ANGPT2: variants seen among roughly 807,000 people sequenced by gnomAD.
The protein encoded by ANGPT2 is angiopoietin 2, also known as angiopoietin-2.
Under a neutral mutation model 62.9 loss-of-function variants are expected in ANGPT2, and 28 were observed. The ratio of observed to expected loss-of-function variants is 0.44; its 90% confidence interval spans 0.33 to 0.61. ANGPT2 has a LOEUF of 0.61. Ranked by LOEUF, ANGPT2 falls within the 20% of genes least tolerant of loss-of-function variation. The pLI, the probability that ANGPT2 is intolerant of heterozygous loss-of-function variation, is 0.03. For synonymous variants in ANGPT2, 284 were observed against 207.8 expected, an observed-to-expected ratio of 1.37 and a Z score of -3.15; for missense variants, 727 against 594.9, an observed-to-expected ratio of 1.22 and a Z score of -2.31.
chr8:6,540,903 C>T (rs1209430284), intron 1 of ANGPT2, among the ~76,000 whole-genome samples: 1 of 152,264 alleles, frequency 6.6e-6, no homozygotes, highest in African/African-American at 2.4e-5. Flanking sequence ...ACAGGATCTC[C>T]CAAGGAGCCC....
intron 8 of ANGPT2, among the ~76,000 whole-genome samples, chr8:6,505,293 A>ATT (rs1563305690): frequency 3.6e-4 from 25 of 69,568 alleles, no homozygotes; most frequent in East Asian, 1.8e-3. Context: ...TATGTTATAT[A>ATT]CATATATATG....
intron 1 of ANGPT2, among the ~76,000 whole-genome samples, chr8:6,536,602 T>C (rs1820543797): frequency 6.6e-6 from 1 of 152,184 alleles, no homozygotes; most frequent in South Asian, 2.1e-4. Context: ...CTGTGTTTTC[T>C]TCCAAAGATT....
At chr8:6,558,031 C>G (rs186627712) in intron 1 of ANGPT2, among the ~76,000 whole-genome samples, 1 of 152,286 alleles carries the variant, frequency 6.6e-6, no homozygotes, top group East Asian at 1.9e-4. Context: ...TGCCCCTGCC[C>G]CCACACGCAC....
rs139377457 is a variant in ANGPT2 at position 6,512,546 on chromosome 8, T to G, written c.1196+1132A>C. ...CGCCACCAGTCTGTGCTCTTTAGAC[T>G]CCTTTAGGCTGGCGTTGGTGCCAGT... On this transcript the variant is annotated intron_variant, in intron 7 of 8. Transcript: ENST00000629816. 3.9e-5 allele frequency among the ~76,000 whole-genome samples: 6 copies of G among 152,344 alleles called. No individual in the cohort carries two copies. In the East Asian group the frequency reaches 1.2e-3, roughly 29 times the overall value.
In ANGPT2 at chr8:6,500,064, C is replaced by A; in HGVS notation, c.*3037G>T. On this transcript the variant is annotated 3_prime_UTR_variant, in exon 9 of 9. Coordinates refer to ENST00000629816, the MANE Select transcript of ANGPT2 (RefSeq NM_001118887.2). ...CATAATTAAAAAGACATTCACAGAA[C>A]TTAACACCTTTTATCAATTTATTCG... The A allele has an allele frequency of 2.7e-6, 2 of 743,496 alleles. No homozygotes were observed. Among genetic ancestry groups the A allele is most frequent in the South Asian group, 3.0e-5 (2 of 67,104 alleles). 46.1% of individuals were successfully genotyped at this position (743,496 alleles called of 1,614,324 possible).
At chr8:6,531,550 C>T (rs1249854593) in intron 2 of ANGPT2, among the ~76,000 whole-genome samples, 3 of 152,278 alleles carry the variant, frequency 2.0e-5, no homozygotes, top group Admixed American at 6.5e-5. Context: ...TCTCGGCCTC[C>T]CAAAGTGCTG....
At chr8:6,515,455 A>C (rs1006718616) in intron 5 of ANGPT2, among the ~76,000 whole-genome samples, 6 of 152,192 alleles carry the variant, frequency 3.9e-5, no homozygotes, top group African/African-American at 1.4e-4. Flanking sequence ...TTCTCTGTAC[A>C]TAGCTCACTG....
intron 7 of ANGPT2, 122 bp from the exon 8 acceptor site, chr8:6,509,184 A>C: frequency 7.9e-7 from 1 of 1,266,142 alleles, no homozygotes; most frequent in Non-Finnish European, 1.1e-6. Context: ...TAATGGACTA[A>C]TGCATACTCT....
At position 6,562,875 on chromosome 8, in the gene ANGPT2, G is replaced by C; in HGVS notation, c.60C>G (p.Asn20Lys). 1 of 1,611,164 alleles carries C rather than the reference G, an allele frequency of 6.2e-7. No individual in the cohort carries two copies. Among genetic ancestry groups the C allele is most frequent in the Non-Finnish European group, 8.5e-7 (1 of 1,177,654 alleles). Residue 20 changes from asparagine to lysine, a missense_variant, in exon 1 of 9, where the codon AAC becomes AAG. Transcript: ENST00000629816. ...SCDLVLAAAY[N>K]NFRKSMDSIG... ...TGCTGTCCATGCTCTTCCGAAAGTT[G>C]TTATAGGCTGCGGCCAAGACAAGAT...
At position 6,527,783 on chromosome 8, in the gene ANGPT2, A is replaced by G. The variant is rs186246202; in HGVS notation, c.445-107T>C. Reference sequence around the variant, plus strand: ...AGCTACAGGAAAACATAACAAAAACATTATTTATTAACCCAAGTATCTTAT... The same window carrying G: ...AGCTACAGGAAAACATAACAAAAACGTTATTTATTAACCCAAGTATCTTAT... On this transcript the variant is annotated intron_variant, in intron 2 of 8. Coordinates refer to ENST00000629816, the MANE Select transcript of ANGPT2 (RefSeq NM_001118887.2). The G allele has an allele frequency of 4.7e-6, 5 of 1,057,012 alleles. No individual in the cohort carries two copies. The Admixed American group carries it at 1.4e-4, about 30-fold the overall frequency. 65.5% of individuals were successfully genotyped at this position (1,057,012 alleles called of 1,614,324 possible).
intron 1 of ANGPT2, among the ~76,000 whole-genome samples, chr8:6,554,584 TG>T (rs1824262904): frequency 6.6e-6 from 1 of 152,258 alleles, no homozygotes; most frequent in African/African-American, 2.4e-5. Context: ...ATTTGGTTGT[TG>T]GTTTTTAAAA....
chr8:6,536,284 G>A (rs761822556), intron 1 of ANGPT2, among the ~76,000 whole-genome samples: 71 of 152,074 alleles, frequency 4.7e-4, no homozygotes, highest in Non-Finnish European at 8.2e-4. Flanking sequence ...TATGGGAATC[G>A]CTGTGTCGGG....
Position 6,537,799 on chromosome 8 carries a change from A to G in ANGPT2, c.289-5312T>C, listed in dbSNP as rs183382921. 4.9e-3 allele frequency among the ~76,000 whole-genome samples: 745 copies of G among 152,284 alleles called. 12 individuals are homozygous for G. Among genetic ancestry groups the G allele is most frequent in the Non-Finnish European group, 4.7e-3 (319 of 68,026 alleles). On this transcript the variant is annotated intron_variant, in intron 1 of 8. Transcript: ENST00000629816. Reference sequence around the variant, plus strand: ...CTTGAAACTGGCTCAGTAAAGGAAAACATAGATAATATATGAAAACTATCC... The same window carrying G: ...CTTGAAACTGGCTCAGTAAAGGAAAGCATAGATAATATATGAAAACTATCC...
intron 4 of ANGPT2, 45 bp from the exon 5 acceptor site, chr8:6,520,036 A>G: frequency 1.2e-6 from 2 of 1,600,952 alleles, no homozygotes; most frequent in Non-Finnish European, 1.7e-6. Flanking sequence ...GTTCATGAAA[A>G]GACAAAGACT....
Position 6,519,973 on chromosome 8 carries a change from G to C in ANGPT2, c.818C>G (p.Ala273Gly). The part of the protein sequence containing the change: ...STSNSKDPTV[A>G]KEEQISFRDC... ...TCTGAAGCTGATTTGTTCTTCTTTA[G>C]CAACAGTGGGGTCCTTAGCTGCTTT... Residue 273 changes from alanine to glycine, a missense_variant, in exon 5 of 9, where the codon GCT becomes GGT. Coordinates refer to ENST00000629816, the MANE Select transcript of ANGPT2 (RefSeq NM_001118887.2). 1 of 1,614,030 alleles carries C rather than the reference G, an allele frequency of 6.2e-7. No individual in the cohort carries two copies. The highest frequency in any genetic ancestry group is 8.5e-7 in the Non-Finnish European group (1 of 1,179,952).
chr8:6,522,415 A>G (rs1054262463), intron 3 of ANGPT2, among the ~76,000 whole-genome samples: 7 of 152,034 alleles, frequency 4.6e-5, no homozygotes, highest in African/African-American at 9.7e-5. Context: ...TTAACAGTCA[A>G]TGAATGTTTG....
chr8:6,507,584 T>C (rs1393406540), intron 8 of ANGPT2: 8 of 148,916 alleles, frequency 5.4e-5, no homozygotes, highest in Admixed American at 4.7e-4. Context: ...TTTTTTTTTT[T>C]TTTTTTTTTT....
At chr8:6,508,794 C>G (rs1563314170) in intron 8 of ANGPT2, 138 bp downstream of exon 8, 3 of 1,204,110 alleles carry the variant, frequency 2.5e-6, no homozygotes, top group African/African-American at 3.0e-5. Context: ...ACACATTTAC[C>G]TATATCAAGC....
rs1459061957 is a variant in ANGPT2, at chr8:6,521,220, C to T, written c.757G>A (p.Glu253Lys). 1 of 1,613,866 alleles carries T rather than the reference C, an allele frequency of 6.2e-7. No individual in the cohort carries two copies. The highest frequency in any genetic ancestry group is 1.7e-5 in the Admixed American group (1 of 60,030). ...VLQKQQHDLM[E>K]TVNNLLTMMS... ...ATAGTCAGTAAGTTATTAACTGTCTCCATGAGATCATGTTGCTGCTTCTGA... is the reference window on the plus strand; with the variant it reads ...ATAGTCAGTAAGTTATTAACTGTCTTCATGAGATCATGTTGCTGCTTCTGA... The change falls in exon 4 of 9, where the codon GAG becomes AAG. Residue 253 changes from glutamate (E) to lysine (K), a missense_variant. By Grantham distance (56) the Glu-to-Lys change is moderately conservative (BLOSUM62 1). Transcript: ENST00000629816.
Sources: allele counts gnomAD v4.1 joint callset (sites outside exome capture counted in the v4.1 genomes callset), GRCh38; gene constraint gnomAD v4.1.1; transcripts MANE v1.5; gene names NCBI Gene and HGNC (gene_info 2026-07-23, HGNC 2026-07-21).